The following ANKFN1 variants were observed in gnomAD, a reference collection of about 807,000 sequenced individuals.
ANKFN1 encodes ankyrin repeat and fibronectin type III domain containing 1.
In ANKFN1, 74 loss-of-function variants were observed where a neutral mutation model predicts 108.7. The observed-to-expected ratio is 0.68, with a 90% CI of 0.56 to 0.83. The LOEUF (loss-of-function observed/expected upper bound fraction) is 0.83. ANKFN1 is among the 40% of genes least tolerant of loss of function. ANKFN1 has a pLI of 0.00. For synonymous variants in ANKFN1, 547 were observed against 516.2 expected, an observed-to-expected ratio of 1.06 and a Z score of -0.81; for missense variants, 1,505 against 1,382.3, an observed-to-expected ratio of 1.09 and a Z score of -1.41.
At chr17:56,336,454 T>C (rs904521451) in intron 4 of ANKFN1, among the ~76,000 whole-genome samples, 8 of 152,312 alleles carry the variant, frequency 5.3e-5, no homozygotes, top group African/African-American at 1.7e-4. Flanking sequence ...TGGGAGGGTG[T>C]ATGCGGCCAG....
chr17:56,296,705 C>A (rs1166971503), intron 3 of ANKFN1, among the ~76,000 whole-genome samples: 6 of 151,884 alleles, frequency 4.0e-5, no homozygotes, highest in Admixed American at 3.9e-4. Flanking sequence ...AAACAAACAA[C>A]AACAACAACA....
At chr17:56,225,253 A>G (rs114097795) in intron 2 of ANKFN1, among the ~76,000 whole-genome samples, 2,507 of 152,248 alleles carry the variant, frequency 0.016, 64 homozygotes, top group African/African-American at 0.057. Flanking sequence ...CTCTAGCGTA[A>G]GAATAATATC....
chr17:56,252,013 G>A (rs1468822880), intron 3 of ANKFN1, among the ~76,000 whole-genome samples: 1 of 152,196 alleles, frequency 6.6e-6, no homozygotes, highest in Admixed American at 6.5e-5. Flanking sequence ...GCTGGCTCAA[G>A]GCAATTAACT....
intron 4 of ANKFN1, among the ~76,000 whole-genome samples, chr17:56,340,893 G>T (rs1453318304): frequency 1.3e-5 from 2 of 152,046 alleles, no homozygotes; most frequent in African/African-American, 2.4e-5. Context: ...ATTGCTTTGG[G>T]CAGTATGGCC....
At chr17:56,079,149 A>T (rs982627982) in intron 4 of ANKFN1, among the ~76,000 whole-genome samples, 11 of 152,142 alleles carry the variant, frequency 7.2e-5, no homozygotes, top group African/African-American at 2.7e-4. Context: ...TCTCATAAGG[A>T]GTGTGACGAG....
At chr17:56,053,334 A>G (rs1157527526) in intron 4 of ANKFN1, among the ~76,000 whole-genome samples, 1 of 151,910 alleles carries the variant, frequency 6.6e-6, no homozygotes. Context: ...CTATCCTTCC[A>G]CTGTCTATCT....
intron 3 of ANKFN1, among the ~76,000 whole-genome samples, chr17:56,302,696 T>C (rs983579364): frequency 6.6e-6 from 1 of 152,144 alleles, no homozygotes; most frequent in Admixed American, 6.5e-5. Context: ...AAGATAACCA[T>C]GTTAATAAGA....
Position 56,486,022 on chromosome 17 carries a change from G to A in ANKFN1, c.2260+3498G>A, listed in dbSNP as rs147031737. On this transcript the variant is annotated intron_variant, in intron 18 of 20. Transcript: ENST00000682825. ...ACATAAATACAAAACTAGAGATGTG[G>A]TTAACAAAGGAATTCAGGCAAATTC... 9.2e-5 allele frequency among the ~76,000 whole-genome samples: 14 copies of A among 152,328 alleles called. No homozygotes were observed. The South Asian group carries it at 2.5e-3, about 27-fold the overall frequency.
At chr17:56,125,931 T>G (rs1263954406) in intron 4 of ANKFN1, among the ~76,000 whole-genome samples, 4 of 151,996 alleles carry the variant, frequency 2.6e-5, no homozygotes, top group Non-Finnish European at 5.9e-5. Flanking sequence ...CAGTCCGGGG[T>G]CATGTTTTCC....
At chr17:56,189,450 G>T (rs994252188) in intron 1 of ANKFN1, among the ~76,000 whole-genome samples, 2 of 151,946 alleles carry the variant, frequency 1.3e-5, no homozygotes, top group Non-Finnish European at 2.9e-5. Flanking sequence ...GATTACAGGC[G>T]TGAGCCACCG....
intron 4 of ANKFN1, among the ~76,000 whole-genome samples, chr17:56,348,098 A>G (rs1209587864): frequency 6.6e-6 from 1 of 152,070 alleles, no homozygotes; most frequent in African/African-American, 2.4e-5. Flanking sequence ...TGAATCTGAA[A>G]TTTTTATGAG....
Position 56,513,534 on chromosome 17 carries a change from G to A in ANKFN1, c.*2265G>A, listed in dbSNP as rs2051834547. 6.6e-6 allele frequency among the ~76,000 whole-genome samples: 1 copy of A among 152,128 alleles called. No homozygotes were observed. Among genetic ancestry groups the A allele is most frequent in the Admixed American group, 6.5e-5 (1 of 15,274 alleles). ...GGATTGTGAAAAACTAAGAATCCAA[G>A]GTATTTCCTGATCCTGATCATTCTG... On this transcript the variant is annotated 3_prime_UTR_variant, in exon 21 of 21. Coordinates refer to ENST00000682825, the MANE Select transcript of ANKFN1 (RefSeq NM_001370326.1).
At chr17:56,353,174 TTAATC>T (rs1311822709) in intron 5 of ANKFN1, among the ~76,000 whole-genome samples, 1 of 152,118 alleles carries the variant, frequency 6.6e-6, no homozygotes, top group East Asian at 1.9e-4. Flanking sequence ...TACACTTGGT[TTAATC>T]TAATGTTTAT....
intron 6 of ANKFN1, among the ~76,000 whole-genome samples, chr17:56,365,787 T>C (rs2046645075): frequency 6.6e-6 from 1 of 152,258 alleles, no homozygotes; most frequent in Non-Finnish European, 1.5e-5. Flanking sequence ...ACAAACCTAC[T>C]GTGCTGCCAG....
intron 20 of ANKFN1, 58 bp downstream of exon 20, chr17:56,499,156 C>T (rs2051290571): frequency 6.9e-7 from 1 of 1,450,668 alleles, no homozygotes; most frequent in Non-Finnish European, 9.3e-7. Flanking sequence ...ATCCTCTCTT[C>T]ACTGATGAGG....
chr17:56,087,283 G>A (rs1321254701), intron 4 of ANKFN1, among the ~76,000 whole-genome samples: 1 of 151,364 alleles, frequency 6.6e-6, no homozygotes, highest in African/African-American at 2.4e-5. Flanking sequence ...GATTGCCCCA[G>A]AAGGGCACTG....
At chr17:56,095,970 C>T (rs1905525160) in intron 4 of ANKFN1, among the ~76,000 whole-genome samples, 1 of 152,184 alleles carries the variant, frequency 6.6e-6, no homozygotes, top group African/African-American at 2.4e-5. Context: ...GAAATCCCAA[C>T]CCTGCTGTTT....
At chr17:56,193,520 C>T (rs1010523271) in intron 1 of ANKFN1, among the ~76,000 whole-genome samples, 5 of 135,076 alleles carry the variant, frequency 3.7e-5, no homozygotes, top group African/African-American at 1.1e-4. Flanking sequence ...TTATTTGTAG[C>T]GTTTTAAAAA....
chr17:56,230,149 C>T (rs1186006388), intron 3 of ANKFN1, among the ~76,000 whole-genome samples: 2 of 152,106 alleles, frequency 1.3e-5, no homozygotes, highest in African/African-American at 4.8e-5. Context: ...GTATATGCAA[C>T]ACATAAAATC....
Sources: allele counts gnomAD v4.1 joint callset (sites outside exome capture counted in the v4.1 genomes callset), GRCh38; gene constraint gnomAD v4.1.1; transcripts MANE v1.5; gene names NCBI Gene and HGNC (gene_info 2026-07-23, HGNC 2026-07-21).